MARCHF1: variants seen among roughly 807,000 people sequenced by gnomAD.
MARCHF1 encodes the protein E3 ubiquitin-protein ligase MARCHF1.
A neutral mutation model predicts 54.2 loss-of-function variants in MARCHF1; 40 were observed. The ratio of observed to expected loss-of-function variants is 0.74; its 90% confidence interval spans 0.57 to 0.96. The LOEUF is 0.96. Among genes scored for constraint, MARCHF1 ranks in the 40% least tolerant of loss-of-function variants. MARCHF1 has a pLI of 0.00. For missense variants in MARCHF1, 586 were observed against 656.5 expected (o/e 0.89, Z 1.17); for synonymous variants, 236 against 236.3 (o/e 1.00, Z 0.01).
chr4:164,301,018 G>GT (rs1553999697), intron 1 of MARCHF1, among the ~76,000 whole-genome samples: 7 of 2,882 alleles, frequency 2.4e-3, no homozygotes, highest in Admixed American at 3.8e-3. Context: ...AGCATGTTTA[G>GT]TTGCCTAGCA....
At chr4:163,532,867 G>A (rs992499259) in intron 9 of MARCHF1, among the ~76,000 whole-genome samples, 3 of 151,918 alleles carry the variant, frequency 2.0e-5, no homozygotes, top group East Asian at 1.9e-4. Flanking sequence ...AACACTGAAC[G>A]TTGGAAAGGA....
intron 2 of MARCHF1, among the ~76,000 whole-genome samples, chr4:163,996,683 C>T (rs1346292081): frequency 2.0e-5 from 3 of 152,032 alleles, no homozygotes; most frequent in Admixed American, 6.6e-5. Context: ...TTAGAATGGT[C>T]TTATTAGGTC....
intron 3 of MARCHF1, among the ~76,000 whole-genome samples, chr4:163,924,009 A>G (rs1199388730): frequency 6.6e-6 from 1 of 152,088 alleles, no homozygotes; most frequent in African/African-American, 2.4e-5. Flanking sequence ...CATTTTTAGA[A>G]TATCTGATTT....
At position 164,001,809 on chromosome 4, in the gene MARCHF1, G is replaced by A. The variant is rs570625660; in HGVS notation, c.-247-13100C>T. Reference sequence around the variant, plus strand: ...TATAAAGAGAAAGCTCCTAAAATCCGTATAACTGTCCCCTTGAGTCTTTGG... The same window carrying A: ...TATAAAGAGAAAGCTCCTAAAATCCATATAACTGTCCCCTTGAGTCTTTGG... On this transcript the variant is annotated intron_variant, in intron 2 of 9. Transcript: ENST00000514618. Among the ~76,000 whole-genome samples, 67 of 151,870 alleles carry A rather than the reference G, an allele frequency of 4.4e-4. 1 individual carries two copies. Among genetic ancestry groups the A allele is most frequent in the South Asian group, 8.3e-4 (4 of 4,818 alleles).
intron 3 of MARCHF1, among the ~76,000 whole-genome samples, chr4:163,897,485 A>C (rs973904807): frequency 7.2e-5 from 11 of 152,186 alleles, no homozygotes; most frequent in African/African-American, 2.7e-4. Context: ...TAAGGCTATA[A>C]TAACTAAAAC....
At chr4:163,662,905 G>A (rs10024965) in intron 5 of MARCHF1, among the ~76,000 whole-genome samples, 4,703 of 151,968 alleles carry the variant, frequency 0.031, 242 homozygotes, top group African/African-American at 0.11. Context: ...CTAAGGATGC[G>A]ACTGTCTGCA....
At chr4:163,826,720 G>A (rs562587496) in intron 4 of MARCHF1, among the ~76,000 whole-genome samples, 1 of 152,142 alleles carries the variant, frequency 6.6e-6, no homozygotes, top group Non-Finnish European at 1.5e-5. Context: ...AAGTGTTGAA[G>A]TACAGAATAA....
At chr4:163,984,164 G>A (rs1752817023) in intron 3 of MARCHF1, among the ~76,000 whole-genome samples, 1 of 151,964 alleles carries the variant, frequency 6.6e-6, no homozygotes, top group South Asian at 2.1e-4. Context: ...GATGGCCCAT[G>A]AGCTATCATT....
chr4:164,276,796 C>A (rs1333049735), intron 1 of MARCHF1, among the ~76,000 whole-genome samples: 1 of 149,076 alleles, frequency 6.7e-6, no homozygotes, highest in Admixed American at 6.7e-5. Flanking sequence ...TTGTTTATTT[C>A]TGAGTAGAAG....
At chr4:164,278,715 AT>A (rs1258420107) in intron 1 of MARCHF1, among the ~76,000 whole-genome samples, 1 of 152,194 alleles carries the variant, frequency 6.6e-6, no homozygotes, top group Non-Finnish European at 1.5e-5. Context: ...GGGATGTTAT[AT>A]TGTGACATAT....
At chr4:164,202,031 G>T (rs146994347) in intron 1 of MARCHF1, among the ~76,000 whole-genome samples, 5 of 152,140 alleles carry the variant, frequency 3.3e-5, no homozygotes, top group African/African-American at 1.2e-4. Context: ...CTATAGTAGC[G>T]AATGAAATGA....
chr4:163,647,869 C>A (rs192171288), intron 5 of MARCHF1, among the ~76,000 whole-genome samples: 1 of 149,682 alleles, frequency 6.7e-6, no homozygotes, highest in Admixed American at 6.6e-5. Context: ...CAAAAGAAGT[C>A]CAAAGTTAAC....
chr4:163,904,763 A>AGAGAGACAGAGACAGAGAC (rs374872263), intron 3 of MARCHF1, among the ~76,000 whole-genome samples: 22 of 151,584 alleles, frequency 1.5e-4, no homozygotes, highest in East Asian at 7.8e-4. Flanking sequence ...AGGAGAGAGA[A>AGAGAGACAGAGACAGAGAC]AGAGACAGAG....
intron 4 of MARCHF1, among the ~76,000 whole-genome samples, chr4:163,774,604 T>C (rs1747253594): frequency 6.6e-6 from 1 of 151,542 alleles, no homozygotes; most frequent in Admixed American, 6.6e-5. Context: ...TTCAAGCTAT[T>C]CTGCCTCAGC....
At chr4:164,172,147 G>A (rs560888868) in intron 1 of MARCHF1, among the ~76,000 whole-genome samples, 6 of 152,258 alleles carry the variant, frequency 3.9e-5, no homozygotes, top group African/African-American at 1.2e-4. Context: ...GTCTATAAGA[G>A]CAGAAACTAT....
intron 2 of MARCHF1, among the ~76,000 whole-genome samples, chr4:164,101,529 C>T (rs531071743): frequency 1.5e-5 from 2 of 129,864 alleles, no homozygotes; most frequent in African/African-American, 2.8e-5. Flanking sequence ...GCAGGGTACT[C>T]CAACAGACCT....
intron 1 of MARCHF1, among the ~76,000 whole-genome samples, chr4:164,330,638 A>G (rs2110801556): frequency 6.6e-6 from 1 of 152,322 alleles, no homozygotes; most frequent in Non-Finnish European, 1.5e-5. Context: ...CTGCTGCAAG[A>G]ACATGCCGAG....
At chr4:164,086,767 T>C (rs1239895932) in intron 2 of MARCHF1, among the ~76,000 whole-genome samples, 4 of 152,116 alleles carry the variant, frequency 2.6e-5, no homozygotes, top group African/African-American at 9.6e-5. Flanking sequence ...ACACATAATC[T>C]CTGTAAATGA....
At chr4:163,806,917 C>T (rs1748241422) in intron 4 of MARCHF1, among the ~76,000 whole-genome samples, 1 of 151,820 alleles carries the variant, frequency 6.6e-6, no homozygotes, top group Non-Finnish European at 1.5e-5. Flanking sequence ...AAAAAAAGTA[C>T]TAAAAAATGT....
Sources: gnomAD v4.1 joint callset for allele counts (sites outside exome capture counted in the v4.1 genomes callset) on GRCh38, gnomAD v4.1.1 for gene constraint, MANE v1.5 for transcripts, NCBI Gene and HGNC (gene_info 2026-07-23, HGNC 2026-07-21) for gene names.